The following BCL2L13 variants were observed in gnomAD, a reference collection of about 807,000 sequenced individuals.
BCL2L13 encodes bcl-2-like protein 13.
In BCL2L13, 13 loss-of-function variants were observed where a neutral mutation model predicts 25.8. The ratio of observed to expected loss-of-function variants is 0.50; its 90% CI spans 0.33 to 0.80. BCL2L13 has a LOEUF of 0.80. BCL2L13 is among the 30% of genes least tolerant of loss of function. The probability of loss-of-function intolerance (pLI) is 0.02; values close to 1 mark genes in which losing one functional copy is unlikely to be tolerated. For missense variants in BCL2L13, 504 were observed against 574.9 expected, an observed-to-expected ratio of 0.88 and a Z score of 1.26; for synonymous variants, 244 against 230.3, an observed-to-expected ratio of 1.06 and a Z score of -0.54.
chr22:17,671,310 C>T (rs1455592507), intron 2 of BCL2L13, among the ~76,000 whole-genome samples: 2 of 146,264 alleles, frequency 1.4e-5, no homozygotes, highest in African/African-American at 5.1e-5. Context: ...AGGAGAATGG[C>T]GTGTACCCGG....
intron 2 of BCL2L13, among the ~76,000 whole-genome samples, chr22:17,666,260 T>C (rs1027723887): frequency 6.6e-6 from 1 of 152,068 alleles, no homozygotes; most frequent in Non-Finnish European, 1.5e-5. Context: ...TATATATTTA[T>C]GGGGTACATA....
intron 2 of BCL2L13, among the ~76,000 whole-genome samples, chr22:17,680,858 A>G (rs1227986585): frequency 6.6e-6 from 1 of 152,124 alleles, no homozygotes; most frequent in Non-Finnish European, 1.5e-5. Flanking sequence ...TCCCTTGAGT[A>G]AGATTTATGG....
intron 2 of BCL2L13, among the ~76,000 whole-genome samples, chr22:17,661,933 G>T (rs2059079000): frequency 6.6e-6 from 1 of 151,242 alleles, no homozygotes; most frequent in South Asian, 2.1e-4. Flanking sequence ...GGAGGTTGTG[G>T]TGAGCCAAAA....
intron 2 of BCL2L13, among the ~76,000 whole-genome samples, chr22:17,680,290 C>G (rs1037499775): frequency 4.0e-5 from 6 of 148,268 alleles, no homozygotes; most frequent in African/African-American, 1.5e-4. Context: ...GTGGGCGCAT[C>G]ACGAGGTCAG....
At chr22:17,651,649 C>G (rs552633554) in intron 1 of BCL2L13, among the ~76,000 whole-genome samples, 1 of 151,190 alleles carries the variant, frequency 6.6e-6, no homozygotes, top group South Asian at 2.1e-4. Flanking sequence ...CCCCAAAGTG[C>G]TGGGATTACA....
At chr22:17,642,451 G>T (rs951217519) in intron 1 of BCL2L13, among the ~76,000 whole-genome samples, 1 of 151,294 alleles carries the variant, frequency 6.6e-6, no homozygotes, top group South Asian at 2.1e-4. Flanking sequence ...GAGCCACCAC[G>T]CCCGGCCTGT....
At chr22:17,661,782 G>A (rs976576318) in intron 2 of BCL2L13, among the ~76,000 whole-genome samples, 3 of 144,708 alleles carry the variant, frequency 2.1e-5, no homozygotes, top group Admixed American at 6.9e-5. Flanking sequence ...ACCTGAGGTC[G>A]GGAGTTAGAG....
intron 6 of BCL2L13, among the ~76,000 whole-genome samples, chr22:17,725,472 G>A (rs535538471): frequency 1.3e-5 from 2 of 152,262 alleles, no homozygotes; most frequent in African/African-American, 4.8e-5. Context: ...GTCCCTCCGT[G>A]AGGCTTTCTG....
At chr22:17,686,333 C>T (rs996803971) in intron 3 of BCL2L13, among the ~76,000 whole-genome samples, 3 of 151,656 alleles carry the variant, frequency 2.0e-5, no homozygotes, top group South Asian at 2.1e-4. Flanking sequence ...ACCTGTAATT[C>T]CAGCTACCTC....
intron 4 of BCL2L13, among the ~76,000 whole-genome samples, chr22:17,690,214 T>C (rs990706412): frequency 1.3e-5 from 2 of 151,846 alleles, no homozygotes; most frequent in Admixed American, 1.3e-4. Context: ...TAATCCCAGC[T>C]ACTCGGGAGG....
intron 2 of BCL2L13, among the ~76,000 whole-genome samples, chr22:17,657,058 A>G (rs986700636): frequency 7.2e-5 from 11 of 152,160 alleles, no homozygotes; most frequent in African/African-American, 1.9e-4. Context: ...AGCTCAGGCA[A>G]TCTGCCCGCC....
chr22:17,665,711 G>C (rs888799997), intron 2 of BCL2L13, among the ~76,000 whole-genome samples: 1 of 152,028 alleles, frequency 6.6e-6, no homozygotes, highest in Non-Finnish European at 1.5e-5. Flanking sequence ...AGTGTACAGA[G>C]GTTCTGATTT....
intron 6 of BCL2L13, among the ~76,000 whole-genome samples, chr22:17,721,832 TTA>T (rs1405191090): frequency 1.3e-5 from 2 of 152,220 alleles, no homozygotes; most frequent in East Asian, 3.9e-4. Flanking sequence ...GGCTAATTTT[TTA>T]TGTTTTTAGT....
Position 17,727,783 on chromosome 22 carries a change from A to G in BCL2L13, c.*249A>G. 1.8e-6 allele frequency: 1 copy of G among 555,614 alleles called. No individual in the cohort carries two copies. Among genetic ancestry groups the G allele is most frequent in the Non-Finnish European group, 3.2e-6 (1 of 314,052 alleles). 34.4% of individuals were successfully genotyped at this position (555,614 alleles called of 1,614,324 possible). ...ATCTTAGGGGTAAAGCACCCCCTCCAGGACCGGGTTTCTCAGCCTTGGCAC... is the reference window on the plus strand; with the variant it reads ...ATCTTAGGGGTAAAGCACCCCCTCCGGGACCGGGTTTCTCAGCCTTGGCAC... On this transcript the variant is annotated 3_prime_UTR_variant, in exon 7 of 7. Coordinates refer to ENST00000317582, the MANE Select transcript of BCL2L13 (RefSeq NM_015367.4).
intron 1 of BCL2L13, among the ~76,000 whole-genome samples, chr22:17,629,749 T>G (rs755343550): frequency 6.6e-6 from 1 of 152,044 alleles, no homozygotes; most frequent in African/African-American, 2.4e-5. Flanking sequence ...AATACTGCAT[T>G]GACCTCCCTT....
intron 6 of BCL2L13, among the ~76,000 whole-genome samples, chr22:17,721,145 G>A (rs1010428130): frequency 5.3e-5 from 8 of 149,850 alleles, no homozygotes; most frequent in Non-Finnish European, 7.4e-5. Context: ...ACTCCAGCCT[G>A]GGGGACAGGG....
rs187440989 is a variant in BCL2L13, at chr22:17,717,586, C to T, written c.601-9091C>T. On this transcript the variant is annotated intron_variant, in intron 6 of 6. Transcript: ENST00000317582. ...ATTTAAGGTGTGAGACAACAATGCCCGGCCTCTGTTACTGTATTTTAAACT... is the reference window on the plus strand; with the variant it reads ...ATTTAAGGTGTGAGACAACAATGCCTGGCCTCTGTTACTGTATTTTAAACT... Among the ~76,000 whole-genome samples, 138 of 152,160 alleles carry T rather than the reference C, an allele frequency of 9.1e-4. 1 individual carries two copies. The highest frequency in any genetic ancestry group is 3.1e-3 in the South Asian group (15 of 4,822).
intron 2 of BCL2L13, among the ~76,000 whole-genome samples, chr22:17,667,397 C>G (rs561141010): frequency 6.6e-6 from 1 of 152,168 alleles, no homozygotes. Context: ...TCTCGAACTC[C>G]TGACCTCATG....
chr22:17,717,103 G>C (rs1294464895), intron 6 of BCL2L13, among the ~76,000 whole-genome samples: 1 of 152,082 alleles, frequency 6.6e-6, no homozygotes, highest in Non-Finnish European at 1.5e-5. Flanking sequence ...CCATGTTTTT[G>C]TTTATGCTTT....
Sources: allele counts gnomAD v4.1 joint callset (sites outside exome capture counted in the v4.1 genomes callset), GRCh38; gene constraint gnomAD v4.1.1; transcripts MANE v1.5; gene names NCBI Gene and HGNC (gene_info 2026-07-23, HGNC 2026-07-21).